Variants in TGM6 observed in about 807,000 individuals in gnomAD.
TGM6 encodes the protein protein-glutamine gamma-glutamyltransferase 6.
In TGM6, 74 loss-of-function variants were observed where a neutral mutation model predicts 77.5. The ratio of observed to expected loss-of-function variants is 0.96; its 90% CI spans 0.79 to 1.16. The LOEUF is 1.16. Ranked by LOEUF, TGM6 falls within the 50% of genes most tolerant of loss-of-function variation. The probability of loss-of-function intolerance (pLI) is 0.00; values close to 1 mark genes in which losing one functional copy is unlikely to be tolerated. For missense variants in TGM6, 968 were observed against 940.2 expected, an observed-to-expected ratio of 1.03 and a Z score of -0.39; for synonymous variants, 383 against 378.9, an observed-to-expected ratio of 1.01 and a Z score of -0.12.
chr20:2,399,631 C>G lies in TGM6; in HGVS notation c.743C>G (p.Pro248Arg), dbSNP rs142013495. Residue 248 changes from proline to arginine, a missense_variant, in exon 6 of 13, where the codon CCG becomes CGG. Transcript: ENST00000202625. ...GGCAAGTACGGCGGCGGCACCAGCC[C>G]GCTGCACTGGCGCGGCAGCGTGGCC... ...WQGKYGGGTS[P>R]LHWRGSVAIL... 9.3e-6 allele frequency: 15 copies of G among 1,613,528 alleles called. No individual in the cohort carries two copies. The highest frequency in any genetic ancestry group is 1.3e-5 in the Non-Finnish European group (15 of 1,179,986).
In TGM6 at chr20:2,403,691, T is replaced by C. The variant is rs771465289; in HGVS notation, c.1204T>C (p.Trp402Arg). 11 of 1,614,222 alleles carry C rather than the reference T, an allele frequency of 6.8e-6. 1 individual carries two copies. The South Asian group carries it at 1.2e-4, about 18-fold the overall frequency. ...FAEVNADYITWLWHEDESRER... is the reference protein window; with the variant it reads ...FAEVNADYITRLWHEDESRER... ...GGAGGTCAACGCCGACTACATCACC[T>C]GGCTGTGGCACGAGGATGAGAGCCG... Residue 402 changes from tryptophan (W) to arginine (R), a missense_variant, in exon 9 of 13, where the codon TGG (tryptophan) becomes CGG (arginine). Coordinates refer to ENST00000202625, the MANE Select transcript of TGM6 (RefSeq NM_198994.3).
intron 4 of TGM6, 75 bp downstream of exon 4, chr20:2,396,699 C>A: frequency 7.4e-7 from 1 of 1,356,474 alleles, no homozygotes; most frequent in Non-Finnish European, 1.1e-6. Flanking sequence ...GTCCCTCTGT[C>A]TGCTCACTCT....
chr20:2,385,031 T>G (rs1935177099), intron 1 of TGM6, among the ~76,000 whole-genome samples: 1 of 152,038 alleles, frequency 6.6e-6, no homozygotes, highest in Non-Finnish European at 1.5e-5. Context: ...GCCTCTCCCA[T>G]CCCCTCCATT....
chr20:2,420,103 G>A (rs1030294852), intron 10 of TGM6, among the ~76,000 whole-genome samples: 78 of 152,230 alleles, frequency 5.1e-4, no homozygotes, highest in Middle Eastern at 6.8e-3. Context: ...AAATTAGCCG[G>A]GCGTGGCGGC....
At chr20:2,428,053 T>C (rs564520269) in intron 10 of TGM6, among the ~76,000 whole-genome samples, 24 of 152,304 alleles carry the variant, frequency 1.6e-4, no homozygotes, top group African/African-American at 5.5e-4. Flanking sequence ...GCTGTCTTTC[T>C]GTCATTGATT....
At chr20:2,427,980 T>G (rs952133291) in intron 10 of TGM6, among the ~76,000 whole-genome samples, 1 of 152,224 alleles carries the variant, frequency 6.6e-6, no homozygotes, top group Admixed American at 6.5e-5. Context: ...TAAGACTTCT[T>G]CTTTGTCCCA....
intron 1 of TGM6, among the ~76,000 whole-genome samples, chr20:2,384,917 G>C (rs1179536514): frequency 1.3e-5 from 2 of 150,206 alleles, no homozygotes; most frequent in Admixed American, 6.7e-5. Context: ...AGCTCATCCT[G>C]CATACCCCAA....
intron 7 of TGM6, 95 bp downstream of exon 7, chr20:2,400,539 C>T (rs999336759): frequency 6.3e-5 from 98 of 1,558,236 alleles, no homozygotes; most frequent in Non-Finnish European, 8.0e-5. Context: ...GAGCGGCAGG[C>T]CCAGAGCCCA....
chr20:2,405,305 T>C (rs1461645364), intron 9 of TGM6, among the ~76,000 whole-genome samples: 1 of 152,212 alleles, frequency 6.6e-6, no homozygotes, highest in African/African-American at 2.4e-5. Flanking sequence ...ATGAGCCCAA[T>C]CCAGATTCAA....
In TGM6 at chr20:2,399,604, A is replaced by G; in HGVS notation, c.716A>G (p.Gln239Arg). The G allele has an allele frequency of 6.2e-7, 1 of 1,613,530 alleles. No homozygotes were observed. Among genetic ancestry groups the G allele is most frequent in the Non-Finnish European group, 8.5e-7 (1 of 1,179,974 alleles). The change falls in exon 6 of 13, where the codon CAG becomes CGG. Residue 239 changes from glutamine to arginine, a missense_variant. By Grantham distance (43) the Gln-to-Arg change is conservative. Transcript: ENST00000202625. Reference sequence around the variant, plus strand: ...CGAGGTGTGGTGCAAGGACAGTGGCAGGGCAAGTACGGCGGCGGCACCAGC... The same window carrying G: ...CGAGGTGTGGTGCAAGGACAGTGGCGGGGCAAGTACGGCGGCGGCACCAGC... ...NDRGVVQGQW[Q>R]GKYGGGTSPL...
chr20:2,391,876 C>T (rs2084631410), intron 1 of TGM6, among the ~76,000 whole-genome samples: 1 of 152,246 alleles, frequency 6.6e-6, no homozygotes, highest in Non-Finnish European at 1.5e-5. Context: ...TTGCCTTCCC[C>T]ACACATCTGC....
intron 10 of TGM6, among the ~76,000 whole-genome samples, chr20:2,422,941 CTCTT>C (rs1414816132): frequency 8.2e-6 from 1 of 122,234 alleles, no homozygotes; most frequent in African/African-American, 3.6e-5. Context: ...CAAAGGGAGA[CTCTT>C]TCTCAAAAAA....
chr20:2,428,066 CA>C lies in TGM6; in HGVS notation c.1679-2379del, dbSNP rs368088946. Among the ~76,000 whole-genome samples, 859 of 152,098 alleles carry C rather than the reference CA, an allele frequency of 5.6e-3. 15 individuals are homozygous for C. The highest frequency in any genetic ancestry group is 0.02 in the African/African-American group (825 of 41,500). On this transcript the variant is annotated intron_variant, in intron 10 of 12. Coordinates refer to ENST00000202625, the MANE Select transcript of TGM6 (RefSeq NM_198994.3). ...CAGCTGTCTTTCTGTCATTGATTTCCAGTTTGATTTCATTGTGTTCTGGGGG... is the reference window on the plus strand; with the variant it reads ...CAGCTGTCTTTCTGTCATTGATTTCCGTTTGATTTCATTGTGTTCTGGGGG...
chr20:2,394,702 T>C, intron 2 of TGM6, 77 bp downstream of exon 2: 1 of 1,468,594 alleles, frequency 6.8e-7, no homozygotes, highest in East Asian at 2.5e-5. Flanking sequence ...CATAAGACCT[T>C]GCAGTCAGCA....
At chr20:2,406,629 A>G (rs1186591945) in intron 9 of TGM6, among the ~76,000 whole-genome samples, 1 of 151,612 alleles carries the variant, frequency 6.6e-6, no homozygotes, top group East Asian at 1.9e-4. Context: ...TGAGGTCAAG[A>G]GTTCGAGACC....
rs2076405 is a variant in TGM6, at chr20:2,394,616, A to G, written c.172A>G (p.Met58Val). 1,479,754 of 1,609,862 alleles carry G rather than the reference A, an allele frequency of 0.92. 682,414 individuals are homozygous for G. The highest frequency in any genetic ancestry group is 0.96 in the African/African-American group (71,771 of 74,934). The stretch of plus-strand genomic sequence containing the variant: ...CTGTGAGGAGATCCTCATCTTCACG[A>G]TGGAGACAGGTAACTGGGCTTGCCA... ...LDCEEILIFT[M>V]ETGPRASEAL... Residue 58 changes from methionine to valine, a missense_variant, in exon 2 of 13, where the codon ATG (methionine) becomes GTG (valine). Coordinates refer to ENST00000202625, the MANE Select transcript of TGM6 (RefSeq NM_198994.3).
intron 9 of TGM6, among the ~76,000 whole-genome samples, chr20:2,408,587 G>A (rs1014367469): frequency 5.9e-5 from 9 of 152,112 alleles, no homozygotes; most frequent in Non-Finnish European, 1.2e-4. Context: ...ACAGATTCAC[G>A]GAATGAATGA....
chr20:2,388,642 C>T (rs1257015534), intron 1 of TGM6, among the ~76,000 whole-genome samples: 1 of 148,814 alleles, frequency 6.7e-6, no homozygotes, highest in Non-Finnish European at 1.5e-5. Context: ...AAAAAACAGG[C>T]TGTGTAACTC....
rs1446840614 is a variant in TGM6, at chr20:2,400,306, T to A, written c.851T>A (p.Val284Asp). Reference sequence around the variant, plus strand: ...TGCTCCGAGCCTCTCTGCTCTGCAGTCCTCAGGTGCTTGGGGATAGCCACA... The same window carrying A: ...TGCTCCGAGCCTCTCTGCTCTGCAGACCTCAGGTGCTTGGGGATAGCCACA... ...CWVFAGVLCT[V>D]LRCLGIATRV... Residue 284 changes from valine to aspartate, a missense_variant and splice_region_variant, in exon 7 of 13, where the codon GTC becomes GAC. Physicochemically the swap from Val to Asp is radical, Grantham distance 152. Coordinates refer to ENST00000202625, the MANE Select transcript of TGM6 (RefSeq NM_198994.3). 1.2e-6 allele frequency: 2 copies of A among 1,614,154 alleles called. No homozygotes were observed. Among genetic ancestry groups the A allele is most frequent in the Admixed American group, 3.3e-5 (2 of 60,024 alleles).
Sources: allele counts gnomAD v4.1 joint callset (sites outside exome capture counted in the v4.1 genomes callset), GRCh38; gene constraint gnomAD v4.1.1; transcripts MANE v1.5; gene names NCBI Gene and HGNC (gene_info 2026-07-23, HGNC 2026-07-21).